The following SIRT3 variants were observed in gnomAD, a reference collection of about 807,000 sequenced individuals.
SIRT3 encodes NAD-dependent protein deacetylase sirtuin-3, mitochondrial.
A neutral mutation model predicts 33.5 loss-of-function variants in SIRT3; 26 were observed. The ratio of observed to expected loss-of-function variants is 0.78; its 90% CI spans 0.57 to 1.08. The LOEUF (loss-of-function observed/expected upper bound fraction) is 1.08. Among genes scored for constraint, SIRT3 ranks in the 50% least tolerant of loss-of-function variants. The pLI, the probability that SIRT3 is intolerant of heterozygous loss-of-function variation, is 0.00. For synonymous variants in SIRT3, 237 were observed against 222.1 expected, an observed-to-expected ratio of 1.07 and a Z score of -0.60; for missense variants, 585 against 530.1, an observed-to-expected ratio of 1.10 and a Z score of -1.02.
chr11:225,058 T>C (rs572864061), intron 4 of SIRT3, among the ~76,000 whole-genome samples: 1 of 150,978 alleles, frequency 6.6e-6, no homozygotes, highest in African/African-American at 2.4e-5. Context: ...ACTGTTATCT[T>C]GGAGGCATGG....
intron 4 of SIRT3, among the ~76,000 whole-genome samples, chr11:224,445 G>T (rs1184003024): frequency 2.0e-5 from 3 of 152,192 alleles, no homozygotes. Context: ...AGGAGGTATT[G>T]GAGCCTTTAA....
chr11:234,403 T>TTTTTGTTTTGTTTTG lies in SIRT3; in HGVS notation c.282-884_282-870dup, dbSNP rs1554893541. On this transcript the variant is annotated intron_variant, in intron 1 of 6. Transcript: ENST00000382743. ...GCTTTAGGGCCAGTGGTAGCAAGGA[T>TTTTTGTTTTGTTTTG]TTTTGTTTTGTTTTGTTTTGTTTTG... Among the ~76,000 whole-genome samples, 632 of 151,432 alleles carry TTTTTGTTTTGTTTTG rather than the reference T, an allele frequency of 4.2e-3. 9 individuals carry two copies. The highest frequency in any genetic ancestry group is 0.015 in the African/African-American group (598 of 41,110).
At chr11:233,615 C>A in intron 1 of SIRT3, 81 bp from the exon 2 acceptor site, 1 of 1,379,142 alleles carries the variant, frequency 7.3e-7, no homozygotes. Context: ...GCTCTGCCCT[C>A]TGCACCACCG....
Position 227,688 on chromosome 11 carries a change from C to T in SIRT3, c.807+2764G>A, listed in dbSNP as rs538990790. ...TCACCCAGGCTGGAGTGCAGTGGTG[C>T]GATCTCAGCTCACAGCAACCTCCCC... On this transcript the variant is annotated intron_variant, in intron 4 of 6. Transcript: ENST00000382743. Among the ~76,000 whole-genome samples the T allele has an allele frequency of 5.3e-5, 8 of 151,994 alleles. No individual in the cohort carries two copies. In the East Asian group the frequency reaches 1.4e-3, roughly 26 times the overall value.
rs1332692432 is a variant in SIRT3 at position 222,947 on chromosome 11, A to T, written c.969+1131T>A. 3 of 152,226 alleles carry T rather than the reference A, an allele frequency of 2.0e-5. No individual in the cohort carries two copies. In the East Asian group the frequency reaches 5.8e-4, roughly 29 times the overall value. The allele number at this position is 152,226 out of a possible 1,614,324, so 9.4% of individuals were successfully genotyped here. Reference sequence around the variant, plus strand: ...TATCCTACTTGTTATCTTTCTCATAACATCAATCATCTCCTAACAAACTAT... The same window carrying T: ...TATCCTACTTGTTATCTTTCTCATATCATCAATCATCTCCTAACAAACTAT... On this transcript the variant is annotated intron_variant, in intron 5 of 6. Transcript: ENST00000382743.
chr11:230,073 C>A (rs1385837039), intron 4 of SIRT3, among the ~76,000 whole-genome samples: 1 of 152,050 alleles, frequency 6.6e-6, no homozygotes, highest in Non-Finnish European at 1.5e-5. Flanking sequence ...GATTGCCGGG[C>A]GTGGTGGCTC....
chr11:222,903 C>G (rs1312156365), intron 5 of SIRT3: 1 of 152,400 alleles, frequency 6.6e-6, no homozygotes, highest in African/African-American at 2.4e-5. Flanking sequence ...CAGCTGGTTC[C>G]CAACCCTTCT....
At chr11:220,361 T>G (rs1856288318) in intron 5 of SIRT3, among the ~76,000 whole-genome samples, 1 of 149,646 alleles carries the variant, frequency 6.7e-6, no homozygotes, top group Non-Finnish European at 1.5e-5. Context: ...GAAAGAAGTT[T>G]ATATTAACAT....
Position 236,342 on chromosome 11 carries a change from C to T in SIRT3, c.-14G>A, listed in dbSNP as rs1443252281. ...CCAGAACGCCATGTTCCGCGCAGTCCAAGGAGTCCTCCGGACTCGCCCCGC... is the reference window on the plus strand; with the variant it reads ...CCAGAACGCCATGTTCCGCGCAGTCTAAGGAGTCCTCCGGACTCGCCCCGC... On this transcript the variant is annotated 5_prime_UTR_variant, in exon 1 of 7. Transcript: ENST00000382743. The T allele has an allele frequency of 2.2e-6, 3 of 1,335,312 alleles. No individual in the cohort carries two copies. The highest frequency in any genetic ancestry group is 3.3e-5 in the Admixed American group (1 of 30,492). The allele number at this position is 1,335,312 out of a possible 1,614,324, so 82.7% of individuals were successfully genotyped here. A position where few individuals can be genotyped will look rare whatever the true frequency, so the allele number is the denominator to read the frequency against.
chr11:216,769 A>G (rs1411399926), intron 6 of SIRT3, 51 bp from the exon 7 acceptor site: 1 of 1,601,446 alleles, frequency 6.2e-7, no homozygotes, highest in Non-Finnish European at 8.6e-7. Flanking sequence ...ACACCCAGGC[A>G]GGCCAGCAGA....
At position 223,665 on chromosome 11, in the gene SIRT3, A is replaced by G. The variant is rs1269850225; in HGVS notation, c.969+413T>C. ...CACACGTGGTGCCCCACCCACACCT[A>G]TACCACCTCCAAAGCCCAGCAGCTT... On this transcript the variant is annotated intron_variant, in intron 5 of 6. Coordinates refer to ENST00000382743, the MANE Select transcript of SIRT3 (RefSeq NM_012239.6). The surrounding 1 kb of genome is among the most constrained non-coding windows in gnomAD (Gnocchi z 4.8). 1.7e-6 allele frequency: 1 copy of G among 589,720 alleles called. No individual in the cohort carries two copies. The highest frequency in any genetic ancestry group is 3.1e-6 in the Non-Finnish European group (1 of 321,148). The allele number at this position is 589,720 out of a possible 1,614,324, so 36.5% of individuals were successfully genotyped here. A position where few individuals can be genotyped will look rare whatever the true frequency, so the allele number is the denominator to read the frequency against.
chr11:219,592 T>G (rs1437509626), intron 5 of SIRT3, among the ~76,000 whole-genome samples: 2 of 143,118 alleles, frequency 1.4e-5, no homozygotes, highest in African/African-American at 5.3e-5. Flanking sequence ...CATACAGCTC[T>G]CAAAGCTTCT....
upstream of SIRT3, chr11:236,393 CCT>C: frequency 2.7e-6 from 3 of 1,128,308 alleles, no homozygotes; most frequent in Admixed American, 4.8e-5. Context: ...CCCGCCTCCG[CCT>C]CCCACCCCCG....
chr11:233,811 ACT>A, intron 1 of SIRT3: 1 of 322,648 alleles, frequency 3.1e-6, no homozygotes, highest in Non-Finnish European at 5.7e-6. Flanking sequence ...TAGGCACTCA[ACT>A]CTGACTGACT....
At chr11:227,404 C>G (rs1288917620) in intron 4 of SIRT3, among the ~76,000 whole-genome samples, 2 of 151,642 alleles carry the variant, frequency 1.3e-5, no homozygotes, top group South Asian at 2.1e-4. Flanking sequence ...TACCACTGCA[C>G]TCCAGCCTGG....
chr11:218,333 G>A (rs1590097903), intron 6 of SIRT3, among the ~76,000 whole-genome samples: 1 of 152,208 alleles, frequency 6.6e-6, no homozygotes, highest in African/African-American at 2.4e-5. Context: ...TAGGCGGTTT[G>A]AAATCTCTTA....
In SIRT3 at chr11:234,757, T is replaced by C. The variant is rs1858691809; in HGVS notation, c.282-1223A>G. On this transcript the variant is annotated intron_variant, in intron 1 of 6. Transcript: ENST00000382743. ...CAGTTTTGCAGAGTATCACAGATAT[T>C]AGAATGCGCTCCACGTGTTTGTAGG... 2.0e-5 allele frequency among the ~76,000 whole-genome samples: 3 copies of C among 151,190 alleles called. No individual in the cohort carries two copies. The South Asian group carries it at 6.2e-4, about 31-fold the overall frequency.
In SIRT3 at chr11:216,449, G is replaced by C. The variant is rs921709537; in HGVS notation, c.*249C>G. The C allele has an allele frequency of 1.9e-6, 1 of 537,864 alleles. No individual in the cohort carries two copies. Among genetic ancestry groups the C allele is most frequent in the Non-Finnish European group, 3.3e-6 (1 of 301,894 alleles). 33.3% of individuals were successfully genotyped at this position (537,864 alleles called of 1,614,324 possible). On this transcript the variant is annotated 3_prime_UTR_variant, in exon 7 of 7. Coordinates refer to ENST00000382743, the MANE Select transcript of SIRT3 (RefSeq NM_012239.6). ...ATTAGGAGCTTCAGCAGAGTGAAGAGTTCAACACAGCAAACAGGCAGGCAG... is the reference window on the plus strand; with the variant it reads ...ATTAGGAGCTTCAGCAGAGTGAAGACTTCAACACAGCAAACAGGCAGGCAG...
intron 4 of SIRT3, among the ~76,000 whole-genome samples, chr11:229,708 G>A (rs553562373): frequency 1.1e-4 from 17 of 152,066 alleles, no homozygotes; most frequent in African/African-American, 2.7e-4. Flanking sequence ...GTATTGAGCC[G>A]AAATCGCGCC....
Sources: gnomAD v4.1 joint callset for allele counts (sites outside exome capture counted in the v4.1 genomes callset) on GRCh38, gnomAD v4.1.1 for gene constraint, Gnocchi (gnomAD v3.1) non-coding constraint, MANE v1.5 for transcripts, NCBI Gene and HGNC (gene_info 2026-07-23, HGNC 2026-07-21) for gene names.